Variants in WASF3 observed in about 807,000 individuals in gnomAD.
WASF3 encodes WASP family member 3, also known as actin-binding protein WASF3.
In WASF3, 11 loss-of-function variants were observed where a neutral mutation model predicts 46.6. That is an observed-to-expected ratio of 0.24 (90% CI 0.15 to 0.39). The LOEUF (loss-of-function observed/expected upper bound fraction) is 0.39. Among genes scored for constraint, WASF3 ranks in the 10% least tolerant of loss-of-function variants. WASF3 has a pLI of 1.00. For missense variants in WASF3, 576 were observed against 669.8 expected (o/e 0.86, Z 1.55); for synonymous variants, 242 against 259.7 (o/e 0.93, Z 0.65).
chr13:26,678,859 CA>C (rs1362553349), intron 7 of WASF3, among the ~76,000 whole-genome samples: 2 of 151,546 alleles, frequency 1.3e-5, no homozygotes, highest in Non-Finnish European at 1.5e-5. Flanking sequence ...CCTGTCTACC[CA>C]AAAAACCCTG....
intron 3 of WASF3, among the ~76,000 whole-genome samples, chr13:26,644,175 G>T (rs1410241031): frequency 3.3e-5 from 5 of 152,230 alleles, no homozygotes; most frequent in Non-Finnish European, 7.3e-5. Context: ...AATGCAGGCA[G>T]ACTGGAGAAG....
At chr13:26,613,190 T>G (rs1881029379) in intron 2 of WASF3, 132 bp downstream of exon 2, 2 of 150,314 alleles carry the variant, frequency 1.3e-5, no homozygotes, top group African/African-American at 2.4e-5. Flanking sequence ...TTAATATACT[T>G]TAATATATAA....
chr13:26,684,787 G>A (rs1361187331), intron 9 of WASF3, among the ~76,000 whole-genome samples: 1 of 152,198 alleles, frequency 6.6e-6, no homozygotes, highest in Non-Finnish European at 1.5e-5. Flanking sequence ...GATGTTAGCA[G>A]TTGGGGAATC....
chr13:26,607,216 T>G (rs1351838264), intron 1 of WASF3, among the ~76,000 whole-genome samples: 1 of 152,204 alleles, frequency 6.6e-6, no homozygotes, highest in Non-Finnish European at 1.5e-5. Context: ...TGGTGTGGTA[T>G]TTTTTGATAT....
intron 3 of WASF3, among the ~76,000 whole-genome samples, chr13:26,644,115 A>G (rs1275163179): frequency 6.6e-6 from 1 of 152,214 alleles, no homozygotes; most frequent in African/African-American, 2.4e-5. Context: ...GAAGGACCCA[A>G]CTGCCATTGC....
rs753683218 is a variant in WASF3, at chr13:26,576,907, C to T, written c.-109+19088C>T. The stretch of plus-strand genomic sequence containing the variant: ...CACCATGGCTGTTGGCAAGAACAAA[C>T]GCCTTACGAAAGGAGGCAAAAAGGG... On this transcript the variant is annotated intron_variant, in intron 1 of 9. Transcript: ENST00000335327. 36 of 777,692 alleles carry T rather than the reference C, an allele frequency of 4.6e-5. 1 individual carries two copies. The highest frequency in any genetic ancestry group is 6.7e-5 in the Non-Finnish European group (31 of 463,706). The allele number at this position is 777,692 out of a possible 1,614,324, so 48.2% of individuals were successfully genotyped here.
chr13:26,570,155 G>A (rs1404282971), intron 1 of WASF3, among the ~76,000 whole-genome samples: 1 of 152,142 alleles, frequency 6.6e-6, no homozygotes, highest in Non-Finnish European at 1.5e-5. Context: ...GGGTGTCGTG[G>A]CAGGCGCCTG....
intron 1 of WASF3, among the ~76,000 whole-genome samples, chr13:26,592,998 G>C (rs971028574): frequency 6.6e-6 from 1 of 152,060 alleles, no homozygotes; most frequent in Non-Finnish European, 1.5e-5. Context: ...TCAGGAATTG[G>C]TTTTTGGGTT....
chr13:26,543,406 C>A, the WASF3 span, among the ~76,000 whole-genome samples: 14 of 152,120 alleles, frequency 9.2e-5, no homozygotes, highest in Admixed American at 2.6e-4. Context: ...AAGCTTTTAG[C>A]TTTCAATATA....
Position 26,681,330 on chromosome 13 carries a change from C to T in WASF3, c.983+10C>T. 6.4e-7 allele frequency: 1 copy of T among 1,573,696 alleles called. No homozygotes were observed. Among genetic ancestry groups the T allele is most frequent in the Middle Eastern group, 1.7e-4 (1 of 5,838 alleles). On this transcript the variant is annotated intron_variant, in intron 8 of 9. Transcript: ENST00000335327. ...CTCCAGCAGACTACGGGTAACTCAG[C>T]ATGCCTTGTACCCTAATCCCTCCTG...
At chr13:26,684,327 T>C (rs2650691) in intron 9 of WASF3, among the ~76,000 whole-genome samples, 148,992 of 152,002 alleles carry the variant, frequency 0.98, 73,089 homozygotes, top group East Asian at 1. Flanking sequence ...AGATACATAA[T>C]CTGTATCTAA....
chr13:26,644,859 G>C (rs187701441), intron 3 of WASF3, among the ~76,000 whole-genome samples: 1 of 152,256 alleles, frequency 6.6e-6, no homozygotes, highest in Admixed American at 6.5e-5. Context: ...GAGCGAGACC[G>C]CAAGGCCCAC....
intron 2 of WASF3, among the ~76,000 whole-genome samples, chr13:26,615,789 C>T (rs1043205610): frequency 1.1e-4 from 16 of 152,136 alleles, no homozygotes; most frequent in Admixed American, 8.5e-4. Context: ...TTTTGTTTCC[C>T]TCCTACCCTC....
intron 9 of WASF3, 125 bp downstream of exon 9, chr13:26,683,099 G>A: frequency 1.5e-6 from 2 of 1,331,318 alleles, no homozygotes; most frequent in Non-Finnish European, 2.0e-6. Context: ...GAGTTAAAGG[G>A]GTCTTACTTG....
intron 3 of WASF3, among the ~76,000 whole-genome samples, chr13:26,657,023 C>T (rs1219313044): frequency 6.6e-6 from 1 of 152,178 alleles, no homozygotes; most frequent in Non-Finnish European, 1.5e-5. Context: ...GCCTTCCCAA[C>T]TACATAATAC....
chr13:26,570,012 G>A (rs1034523197), intron 1 of WASF3, among the ~76,000 whole-genome samples: 5 of 152,226 alleles, frequency 3.3e-5, no homozygotes, highest in Admixed American at 1.3e-4. Flanking sequence ...TCAGCCGGGC[G>A]CGGTGGCTCA....
At chr13:26,634,838 G>C (rs2137269232) in intron 2 of WASF3, among the ~76,000 whole-genome samples, 1 of 152,312 alleles carries the variant, frequency 6.6e-6, no homozygotes, top group East Asian at 1.9e-4. Context: ...GGCTTGTAAG[G>C]TTTCTGTCCA....
intron 1 of WASF3, among the ~76,000 whole-genome samples, chr13:26,559,109 A>G (rs1879199031): frequency 6.6e-6 from 1 of 152,226 alleles, no homozygotes; most frequent in African/African-American, 2.4e-5. Context: ...TAAACAAACG[A>G]AAGCTGGGTT....
chr13:26,551,563 A>C, the WASF3 span, among the ~76,000 whole-genome samples: 1 of 152,164 alleles, frequency 6.6e-6, no homozygotes, highest in Non-Finnish European at 1.5e-5. Flanking sequence ...CTGGTGGGGG[A>C]CAATGAATTA....
Sources: allele counts gnomAD v4.1 joint callset (sites outside exome capture counted in the v4.1 genomes callset), GRCh38; gene constraint gnomAD v4.1.1; transcripts MANE v1.5; gene names NCBI Gene and HGNC (gene_info 2026-07-23, HGNC 2026-07-21).